Variants in NAV2 observed in about 807,000 individuals in gnomAD.
NAV2 encodes helicase, APC down-regulated 1.
A neutral mutation model predicts 223.2 loss-of-function variants in NAV2; 54 were observed. The observed-to-expected ratio is 0.24, with a 90% confidence interval of 0.19 to 0.30. The LOEUF (loss-of-function observed/expected upper bound fraction) is 0.30. NAV2 is among the 10% of genes least tolerant of loss of function. The pLI, the probability that NAV2 is intolerant of heterozygous loss-of-function variation, is 1.00. For synonymous variants in NAV2, 1,279 were observed against 1,239.3 expected, an observed-to-expected ratio of 1.03 and a Z score of -0.67; for missense variants, 2,806 against 3,147.5, an observed-to-expected ratio of 0.89 and a Z score of 2.60.
At chr11:20,000,289 C>T (rs1029303141) in intron 11 of NAV2, among the ~76,000 whole-genome samples, 4 of 152,198 alleles carry the variant, frequency 2.6e-5, no homozygotes, top group African/African-American at 7.2e-5. Context: ...TGAAACAGAA[C>T]ATGAAAGGGT....
intron 2 of NAV2, among the ~76,000 whole-genome samples, chr11:19,835,481 C>T (rs2060178402): frequency 6.6e-6 from 1 of 152,084 alleles, no homozygotes; most frequent in Non-Finnish European, 1.5e-5. Context: ...GTCTATCAGC[C>T]AGCTCAGAGC....
chr11:19,509,058 C>T (rs1222458141), intron 1 of NAV2, among the ~76,000 whole-genome samples: 4 of 152,188 alleles, frequency 2.6e-5, no homozygotes, highest in African/African-American at 9.7e-5. Flanking sequence ...TCCTCAAATA[C>T]CCTGCAATAT....
At chr11:19,935,169 T>A (rs533516017) in intron 7 of NAV2, among the ~76,000 whole-genome samples, 2 of 152,226 alleles carry the variant, frequency 1.3e-5, no homozygotes, top group Non-Finnish European at 2.9e-5. Flanking sequence ...GAGCTTTCAC[T>A]GACAGTGCCT....
At chr11:19,980,276 GA>G (rs1354224297) in intron 10 of NAV2, among the ~76,000 whole-genome samples, 9 of 152,198 alleles carry the variant, frequency 5.9e-5, no homozygotes, top group Admixed American at 5.9e-4. Context: ...TATCATGGCA[GA>G]ACTCGGGAGG....
At chr11:19,718,021 C>A (rs957576012) in intron 1 of NAV2, among the ~76,000 whole-genome samples, 10 of 152,118 alleles carry the variant, frequency 6.6e-5, no homozygotes, top group Non-Finnish European at 2.9e-5. Flanking sequence ...TTGAGTCTCT[C>A]CCATAAACCT....
At chr11:19,957,747 C>T (rs1014662776) in intron 10 of NAV2, among the ~76,000 whole-genome samples, 2 of 152,140 alleles carry the variant, frequency 1.3e-5, no homozygotes, top group African/African-American at 2.4e-5. Flanking sequence ...CTGCTGGTGA[C>T]GACAGACTTA....
chr11:19,914,877 C>T (rs567079940), intron 6 of NAV2, among the ~76,000 whole-genome samples: 1 of 152,346 alleles, frequency 6.6e-6, no homozygotes, highest in Admixed American at 6.5e-5. Flanking sequence ...CTTCAGCTCC[C>T]TTGCCACTTA....
intron 1 of NAV2, among the ~76,000 whole-genome samples, chr11:19,693,152 C>T (rs796070062): frequency 5.3e-4 from 80 of 152,360 alleles, no homozygotes; most frequent in East Asian, 1.7e-3. Flanking sequence ...TACCAGCCCA[C>T]CTCTGCCAGG....
rs559772378 is a variant in NAV2 at position 19,500,390 on chromosome 11, A to T, written c.75+149363A>T. Among the ~76,000 whole-genome samples the T allele has an allele frequency of 9.8e-5, 15 of 152,342 alleles. No homozygotes were observed. The South Asian group carries it at 3.1e-3, about 32-fold the overall frequency. ...ATAAATACTTCTTGTTTTTAGATAC[A>T]GACTTTTAGGGTAGTTTGTTACATA... is the stretch of plus-strand genomic sequence containing the variant. On this transcript the variant is annotated intron_variant, in intron 1 of 37. Coordinates refer to the NAV2 transcript ENST00000360655.
At chr11:19,984,985 A>G (rs1396466703) in intron 11 of NAV2, among the ~76,000 whole-genome samples, 1 of 152,148 alleles carries the variant, frequency 6.6e-6, no homozygotes, top group African/African-American at 2.4e-5. Flanking sequence ...GATTTCAAAT[A>G]CCCTTAATGA....
intron 1 of NAV2, among the ~76,000 whole-genome samples, chr11:19,644,926 G>A (rs954999894): frequency 6.6e-6 from 1 of 152,200 alleles, no homozygotes; most frequent in Admixed American, 6.5e-5. Flanking sequence ...GGTTGTGGTT[G>A]CCTGGAGCAT....
chr11:19,874,206 G>A (rs952059107), intron 4 of NAV2, among the ~76,000 whole-genome samples: 3 of 152,150 alleles, frequency 2.0e-5, no homozygotes, highest in African/African-American at 7.2e-5. Flanking sequence ...ATGCAGATTA[G>A]GACCAGCCAG....
chr11:19,765,314 TCTC>T (rs1449384014), intron 1 of NAV2, among the ~76,000 whole-genome samples: 1 of 152,002 alleles, frequency 6.6e-6, no homozygotes, highest in East Asian at 1.9e-4. Flanking sequence ...ATCATCTTCT[TCTC>T]CTCCTCCTTC....
intron 3 of NAV2, among the ~76,000 whole-genome samples, chr11:19,846,768 G>A (rs532817055): frequency 4.7e-4 from 72 of 152,088 alleles, no homozygotes; most frequent in Non-Finnish European, 5.9e-4. Context: ...CCTCAGTGCC[G>A]CCCTCCTCTT....
chr11:19,477,782 T>A (rs2042163080), intron 1 of NAV2, among the ~76,000 whole-genome samples: 1 of 152,230 alleles, frequency 6.6e-6, no homozygotes, highest in Admixed American at 6.5e-5. Context: ...ATTATGAACA[T>A]CTTTTACAGA....
At chr11:19,562,019 CA>C (rs1428650697) in intron 1 of NAV2, among the ~76,000 whole-genome samples, 1 of 152,266 alleles carries the variant, frequency 6.6e-6, no homozygotes, top group East Asian at 1.9e-4. Context: ...TCCAGAGATG[CA>C]GGCACTAAGC....
At chr11:20,070,949 G>GT (rs1261544340) in intron 22 of NAV2, among the ~76,000 whole-genome samples, 1 of 151,996 alleles carries the variant, frequency 6.6e-6, no homozygotes, top group Admixed American at 6.6e-5. Context: ...ATGGGGTCAG[G>GT]TTTTTTAAAT....
rs2050005447 is a variant in NAV2 at position 19,713,428 on chromosome 11, G to A, written c.-268G>A. ...CCAGAGCTCTTGAAAGGCCACCCAGGAGAGGTGTGAGACCCGGCGGCAGCA... is the reference window on the plus strand; with the variant it reads ...CCAGAGCTCTTGAAAGGCCACCCAGAAGAGGTGTGAGACCCGGCGGCAGCA... On this transcript the variant is annotated 5_prime_UTR_variant, in exon 1 of 38. Coordinates refer to ENST00000349880, the MANE Select transcript of NAV2 (RefSeq NM_145117.5). This position sits in a 1 kb window ranked among gnomAD's most constrained non-coding sequence, Gnocchi z 7.2. 1 of 1,260,056 alleles carries A rather than the reference G, an allele frequency of 7.9e-7. No individual in the cohort carries two copies. The highest frequency in any genetic ancestry group is 3.4e-5 in the South Asian group (1 of 29,464). The allele number at this position is 1,260,056 out of a possible 1,614,324, so 78.1% of individuals were successfully genotyped here. A position where few individuals can be genotyped will look rare whatever the true frequency, so the allele number is the denominator to read the frequency against.
At chr11:19,586,186 G>T (rs1044245224) in intron 1 of NAV2, among the ~76,000 whole-genome samples, 1 of 152,122 alleles carries the variant, frequency 6.6e-6, no homozygotes, top group Non-Finnish European at 1.5e-5. Flanking sequence ...ACTGCGGCTT[G>T]TGCATTCGTC....
Sources: gnomAD v4.1 joint callset for allele counts (sites outside exome capture counted in the v4.1 genomes callset) on GRCh38, gnomAD v4.1.1 for gene constraint, Gnocchi (gnomAD v3.1) non-coding constraint, MANE v1.5 for transcripts, NCBI Gene and HGNC (gene_info 2026-07-23, HGNC 2026-07-21) for gene names.